MFN1: variants seen among roughly 807,000 people sequenced by gnomAD.
MFN1 encodes mitofusin-1.
In MFN1, 65 loss-of-function variants were observed where a neutral mutation model predicts 92.4. The observed-to-expected ratio is 0.70, with a 90% CI of 0.58 to 0.86. MFN1 has a LOEUF of 0.86. Ranked by LOEUF, MFN1 falls within the 40% of genes least tolerant of loss-of-function variation. MFN1 has a pLI of 0.00. For missense variants in MFN1, 781 were observed against 868.0 expected (o/e 0.90, Z 1.26); for synonymous variants, 297 against 300.9 (o/e 0.99, Z 0.13).
At chr3:179,380,310 C>T (rs983694973) in intron 14 of MFN1, among the ~76,000 whole-genome samples, 2 of 152,192 alleles carry the variant, frequency 1.3e-5, no homozygotes, top group Admixed American at 1.3e-4. Flanking sequence ...GAGACAGCCC[C>T]TACAAGAATA....
chr3:179,383,800 AAGG>A (rs1366885621), intron 14 of MFN1, among the ~76,000 whole-genome samples: 4 of 152,214 alleles, frequency 2.6e-5, no homozygotes, highest in Non-Finnish European at 5.9e-5. Context: ...GGACCTCTTC[AAGG>A]AGAACTACAA....
intron 17 of MFN1, among the ~76,000 whole-genome samples, chr3:179,390,901 T>C (rs1015518501): frequency 2.6e-5 from 4 of 152,200 alleles, no homozygotes; most frequent in African/African-American, 9.6e-5. Flanking sequence ...GGCATGTACT[T>C]AAAACATCCA....
In MFN1 at chr3:179,375,109, A is replaced by G. The variant is rs185669921; in HGVS notation, c.976-111A>G. 2.2e-5 allele frequency: 27 copies of G among 1,206,552 alleles called. No homozygotes were observed. The African/African-American group carries it at 3.6e-4, about 16-fold the overall frequency. 74.7% of individuals were successfully genotyped at this position (1,206,552 alleles called of 1,614,324 possible). On this transcript the variant is annotated intron_variant, in intron 9 of 17. Transcript: ENST00000471841. ...TGCTTTTATCACTCATTTGTTTTCTATCTTTATTTCTGTTTGGGTTAAAGT... is the reference window on the plus strand; with the variant it reads ...TGCTTTTATCACTCATTTGTTTTCTGTCTTTATTTCTGTTTGGGTTAAAGT...
intron 3 of MFN1, among the ~76,000 whole-genome samples, chr3:179,356,455 G>A (rs948908014): frequency 1.3e-5 from 2 of 152,176 alleles, no homozygotes; most frequent in African/African-American, 4.8e-5. Context: ...GCTTCCCTGA[G>A]TTCTGTGAGC....
rs138770469 is a variant in MFN1 at position 179,371,079 on chromosome 3, C to A, written c.975+2976C>A. On this transcript the variant is annotated intron_variant, in intron 9 of 17. Coordinates refer to ENST00000471841, the MANE Select transcript of MFN1 (RefSeq NM_033540.3). ...AAAAGAAAAACTGTATCAAGTTCAT[C>A]ACCTTTATCAATTTGACCTGTGCCG... 3.9e-3 allele frequency among the ~76,000 whole-genome samples: 596 copies of A among 152,258 alleles called. 1 individual carries two copies. The highest frequency in any genetic ancestry group is 0.01 in the Middle Eastern group (3 of 294).
intron 9 of MFN1, among the ~76,000 whole-genome samples, chr3:179,369,732 CTA>C (rs1190074898): frequency 6.6e-6 from 1 of 152,076 alleles, no homozygotes; most frequent in African/African-American, 2.4e-5. Flanking sequence ...GTCTAGGAAT[CTA>C]TATACATATA....
chr3:179,348,185 T>C (rs907287521), intron 1 of MFN1: 2 of 152,404 alleles, frequency 1.3e-5, no homozygotes, highest in African/African-American at 4.8e-5. Context: ...CGCAGCTCCT[T>C]CGCGCGGTCA....
intron 4 of MFN1, among the ~76,000 whole-genome samples, chr3:179,360,345 G>T (rs558308939): frequency 6.6e-6 from 1 of 152,202 alleles, no homozygotes; most frequent in South Asian, 2.1e-4. Flanking sequence ...CCTGGCCTCC[G>T]ATTTGTCTTT....
At chr3:179,351,544 C>T (rs182333394) in intron 2 of MFN1, among the ~76,000 whole-genome samples, 4 of 152,270 alleles carry the variant, frequency 2.6e-5, no homozygotes, top group South Asian at 2.1e-4. Context: ...TGTGGCTCCC[C>T]CTTCTGAGCT....
In MFN1 at chr3:179,367,367, A is replaced by G. The variant is rs1712834307; in HGVS notation, c.754-72A>G. The G allele has an allele frequency of 3.2e-6, 4 of 1,263,840 alleles. No individual in the cohort carries two copies. The East Asian group carries it at 7.6e-5, about 24-fold the overall frequency. The allele number at this position is 1,263,840 out of a possible 1,614,324, so 78.3% of individuals were successfully genotyped here. On this transcript the variant is annotated intron_variant, in intron 7 of 17. Coordinates refer to ENST00000471841, the MANE Select transcript of MFN1 (RefSeq NM_033540.3). Reference sequence around the variant, plus strand: ...TTATATCACTGTGAATAAAGTAAGTATTGGTCTATAGTCGTTGGTTATTAT... The same window carrying G: ...TTATATCACTGTGAATAAAGTAAGTGTTGGTCTATAGTCGTTGGTTATTAT...
intron 14 of MFN1, among the ~76,000 whole-genome samples, chr3:179,384,605 G>A (rs942289952): frequency 6.6e-6 from 1 of 152,128 alleles, no homozygotes; most frequent in African/African-American, 2.4e-5. Context: ...GACTTGCTAT[G>A]CCCAAGCTGG....
chr3:179,378,292 A>G (rs773326822), intron 12 of MFN1, 49 bp from the exon 13 acceptor site: 3 of 1,343,962 alleles, frequency 2.2e-6, no homozygotes, highest in Non-Finnish European at 3.1e-6. Context: ...TATAAAAACT[A>G]CATACTTTCT....
chr3:179,355,936 A>AAGG (rs2108526217), intron 3 of MFN1, among the ~76,000 whole-genome samples: 1 of 152,132 alleles, frequency 6.6e-6, no homozygotes, highest in Admixed American at 6.5e-5. Context: ...TGGGCCACAG[A>AAGG]AGGAGACTCC....
At chr3:179,348,793 C>A in intron 1 of MFN1, 52 bp from the exon 2 acceptor site, 1 of 1,582,518 alleles carries the variant, frequency 6.3e-7, no homozygotes, top group Non-Finnish European at 8.6e-7. Flanking sequence ...CATCAGTTTG[C>A]ATGTCTATCA....
chr3:179,348,494 CT>C (rs1712008687), intron 1 of MFN1, among the ~76,000 whole-genome samples: 1 of 152,150 alleles, frequency 6.6e-6, no homozygotes, highest in Non-Finnish European at 1.5e-5. Flanking sequence ...TAGTAACTTC[CT>C]TATTGTGTGT....
At chr3:179,372,816 C>G (rs1240626119) in intron 9 of MFN1, among the ~76,000 whole-genome samples, 1 of 151,928 alleles carries the variant, frequency 6.6e-6, no homozygotes, top group Non-Finnish European at 1.5e-5. Context: ...AATCTTTTTC[C>G]TTTTAAAAAT....
At position 179,367,653 on chromosome 3, in the gene MFN1, G is replaced by A. The variant is rs913857162; in HGVS notation, c.907+61G>A. ...AAAATATTTAAAATTGGCTGGGTGC[G>A]GTGGCTCACGCCTGTAATCCCAGCA... On this transcript the variant is annotated intron_variant, in intron 8 of 17. Coordinates refer to ENST00000471841, the MANE Select transcript of MFN1 (RefSeq NM_033540.3). 3.5e-5 allele frequency: 49 copies of A among 1,394,742 alleles called. No homozygotes were observed. In the African/African-American group the frequency reaches 3.6e-4, roughly 10 times the overall value. 86.4% of individuals were successfully genotyped at this position (1,394,742 alleles called of 1,614,324 possible). A position where few individuals can be genotyped will look rare whatever the true frequency, so the allele number is the denominator to read the frequency against.
intron 14 of MFN1, among the ~76,000 whole-genome samples, chr3:179,379,148 A>C (rs1713369812): frequency 7.0e-6 from 1 of 143,864 alleles, no homozygotes; most frequent in Admixed American, 7.2e-5. Flanking sequence ...GCTGCAATAT[A>C]TCTTTTCCAC....
At chr3:179,386,742 G>A in intron 16 of MFN1, 113 bp downstream of exon 16, 1 of 976,562 alleles carries the variant, frequency 1.0e-6, no homozygotes, top group African/African-American at 1.7e-5. Flanking sequence ...AAATGAACAT[G>A]TTTCGTGATG....
Sources: gnomAD v4.1 joint callset for allele counts (sites outside exome capture counted in the v4.1 genomes callset) on GRCh38, gnomAD v4.1.1 for gene constraint, MANE v1.5 for transcripts, NCBI Gene and HGNC (gene_info 2026-07-23, HGNC 2026-07-21) for gene names.